NAF1: variants seen among roughly 807,000 people sequenced by gnomAD.
The protein encoded by NAF1 is H/ACA ribonucleoprotein complex non-core subunit NAF1.
NAF1 carries 11 observed loss-of-function variants against 40.6 expected under a neutral mutation model. That is an observed-to-expected ratio of 0.27 (90% CI 0.17 to 0.45). NAF1 has a LOEUF of 0.45. NAF1 is among the 20% of genes least tolerant of loss of function. The probability of loss-of-function intolerance (pLI) is 1.00; values close to 1 mark genes in which losing one functional copy is unlikely to be tolerated. For synonymous variants in NAF1, 260 were observed against 228.5 expected (o/e 1.14, Z -1.24); for missense variants, 607 against 611.1 (o/e 0.99, Z 0.07).
At chr4:163,107,509 G>T (rs1445325076), downstream of NAF1, among the ~76,000 whole-genome samples, 1 of 152,146 alleles carries the variant, frequency 6.6e-6, no homozygotes, top group Non-Finnish European at 1.5e-5. Flanking sequence ...AGATCGTCTT[G>T]TAGGAATGAC....
At chr4:163,106,952 C>T (rs550143949), downstream of NAF1, among the ~76,000 whole-genome samples, 65 of 152,198 alleles carry the variant, frequency 4.3e-4, no homozygotes, top group African/African-American at 1.5e-3. Context: ...TATTTCTCCA[C>T]GCCTACCTTT....
intron 4 of NAF1, chr4:163,143,898 G>A (rs920979253): frequency 1.9e-5 from 7 of 362,474 alleles, no homozygotes; most frequent in African/African-American, 2.2e-5. Flanking sequence ...AAATACAGAC[G>A]AATAGAGTAT....
At chr4:163,137,343 G>T (rs544680489) in intron 5 of NAF1, 93 bp from the exon 6 acceptor site, 3 of 1,344,870 alleles carry the variant, frequency 2.2e-6, no homozygotes, top group Non-Finnish European at 3.0e-6. Context: ...TAAAGTAAAG[G>T]ACATGAGTTC....
chr4:163,166,309 C>A, intron 1 of NAF1, 54 bp downstream of exon 1: 1 of 1,515,570 alleles, frequency 6.6e-7, no homozygotes, highest in Non-Finnish European at 8.8e-7. Flanking sequence ...CCAGCCACCC[C>A]CGCCCGTCAT....
intron 2 of NAF1, among the ~76,000 whole-genome samples, chr4:163,110,932 C>T (rs1730141860): frequency 6.6e-6 from 1 of 152,042 alleles, no homozygotes; most frequent in African/African-American, 2.4e-5. Flanking sequence ...TTTTGTTTCT[C>T]CCTCTATAAT....
intron 3 of NAF1, 46 bp from the exon 4 acceptor site, chr4:163,145,910 G>A: frequency 1.0e-6 from 1 of 969,536 alleles, no homozygotes; most frequent in Non-Finnish European, 1.5e-6. Context: ...ATAAGAGAAT[G>A]TAGAATTTTA....
downstream of NAF1, among the ~76,000 whole-genome samples, chr4:163,123,545 C>A (rs1730573159): frequency 6.6e-6 from 1 of 152,106 alleles, no homozygotes; most frequent in African/African-American, 2.4e-5. Context: ...CCATGCTCGG[C>A]TAATTTTTGT....
At chr4:163,150,839 G>A (rs1295071003) in intron 2 of NAF1, among the ~76,000 whole-genome samples, 1 of 152,040 alleles carries the variant, frequency 6.6e-6, no homozygotes, top group Non-Finnish European at 1.5e-5. Context: ...GACAGTTACT[G>A]CTAAATTTCT....
intron 2 of NAF1, among the ~76,000 whole-genome samples, chr4:163,155,466 C>A (rs1731948625): frequency 6.6e-6 from 1 of 152,078 alleles, no homozygotes; most frequent in African/African-American, 2.4e-5. Flanking sequence ...CAGTCTTTGT[C>A]TGAGCAGAAA....
chr4:163,140,427 T>A, intron 4 of NAF1, 44 bp from the exon 5 acceptor site: 1 of 1,513,954 alleles, frequency 6.6e-7, no homozygotes, highest in Non-Finnish European at 9.0e-7. Flanking sequence ...GTAAAATAAC[T>A]ATTTGAAAAG....
At chr4:163,165,635 C>A (rs1222918933) in intron 1 of NAF1, among the ~76,000 whole-genome samples, 8 of 152,194 alleles carry the variant, frequency 5.3e-5, no homozygotes, top group Non-Finnish European at 1.2e-4. Flanking sequence ...CTCCTCAACA[C>A]GTGTCTATCT....
In NAF1 at chr4:163,129,119, T is replaced by C. The variant is rs747974258; in HGVS notation, c.1263A>G (p.Gln421=). 2.5e-6 allele frequency: 4 copies of C among 1,613,368 alleles called. No individual in the cohort carries two copies. Among genetic ancestry groups the C allele is most frequent in the East Asian group, 2.2e-5 (1 of 44,862 alleles). Residue 421 remains glutamine (Q), a synonymous_variant, in exon 8 of 8, where the codon CAA becomes CAG. Transcript: ENST00000274054. ...CAAACACTGGAAGAGGAAAGGGGTATTGTGGCATAATGGGATTATTTTGTC... is the reference window on the plus strand; with the variant it reads ...CAAACACTGGAAGAGGAAAGGGGTACTGTGGCATAATGGGATTATTTTGTC... ...SQRQNNPIMP[Q]YPFPLPVFDM...
chr4:163,125,509 C>T (rs746654501), downstream of NAF1, among the ~76,000 whole-genome samples: 2 of 152,176 alleles, frequency 1.3e-5, no homozygotes, highest in Non-Finnish European at 2.9e-5. Flanking sequence ...AAGCCTAATC[C>T]AGAGCGGGCC....
chr4:163,148,635 A>C (rs1271129191), intron 2 of NAF1, among the ~76,000 whole-genome samples: 3 of 152,152 alleles, frequency 2.0e-5, no homozygotes, highest in Non-Finnish European at 4.4e-5. Context: ...AAGTGACTCA[A>C]CAGGTCTCAA....
chr4:163,148,699 C>A (rs954606894), intron 2 of NAF1, among the ~76,000 whole-genome samples: 6 of 152,186 alleles, frequency 3.9e-5, no homozygotes, highest in Non-Finnish European at 8.8e-5. Flanking sequence ...TACTATTCTA[C>A]ATTCTTTCAG....
intron 4 of NAF1, among the ~76,000 whole-genome samples, chr4:163,143,491 T>C (rs1251609432): frequency 2.6e-5 from 4 of 152,146 alleles, no homozygotes; most frequent in African/African-American, 7.2e-5. Context: ...GCACAGACAA[T>C]ACAGCAAAAG....
downstream of NAF1, among the ~76,000 whole-genome samples, chr4:163,123,057 G>T (rs1036245978): frequency 6.6e-6 from 1 of 152,176 alleles, no homozygotes; most frequent in Non-Finnish European, 1.5e-5. Flanking sequence ...TAAGAAAAGA[G>T]GTTTATTTAG....
At position 163,133,178 on chromosome 4, in the gene NAF1, G is replaced by GT. The variant is rs1730934048; in HGVS notation, c.1008dup (p.Leu337ThrfsTer4). ...CCAGGCTCATTAAATTCAGATTTGA[G>GT]TTTTTTCCGGCCTTGAATCTGAGAT... is the stretch of plus-strand genomic sequence containing the variant. On this transcript the variant is annotated frameshift_variant, in exon 7 of 8. Coordinates refer to ENST00000274054, the MANE Select transcript of NAF1 (RefSeq NM_138386.3). LOFTEE classifies it low-confidence loss of function (END_TRUNC). The GT allele has an allele frequency of 6.2e-7, 1 of 1,613,658 alleles. No individual in the cohort carries two copies. Among genetic ancestry groups the GT allele is most frequent in the Non-Finnish European group, 8.5e-7 (1 of 1,179,828 alleles).
At position 163,142,877 on chromosome 4, in the gene NAF1, T is replaced by G. The variant is rs143058985; in HGVS notation, c.718-2494A>C. 4.9e-3 allele frequency among the ~76,000 whole-genome samples: 740 copies of G among 152,322 alleles called. 4 individuals carry two copies. The highest frequency in any genetic ancestry group is 0.016 in the African/African-American group (682 of 41,578). ...CACAGCAAGGCTCAGGCCGGCCCAC[T>G]TCTCCTCATACAGCTCCATAGGAGG... On this transcript the variant is annotated intron_variant, in intron 4 of 7. Transcript: ENST00000274054.
Sources: allele counts gnomAD v4.1 joint callset (sites outside exome capture counted in the v4.1 genomes callset), GRCh38; gene constraint gnomAD v4.1.1; transcripts MANE v1.5; gene names NCBI Gene and HGNC (gene_info 2026-07-23, HGNC 2026-07-21).